KIF1A: variants seen among roughly 807,000 people sequenced by gnomAD.
KIF1A encodes the protein kinesin family member 1A, also known as kinesin-like protein KIF1A.
Under a neutral mutation model 227.3 loss-of-function variants are expected in KIF1A, and 46 were observed. That is an observed-to-expected ratio of 0.20 (90% CI 0.16 to 0.26). KIF1A has a LOEUF of 0.26. Ranked by LOEUF, KIF1A falls within the 10% of genes least tolerant of loss-of-function variation. The pLI is 1.00. For synonymous variants in KIF1A, 1,022 were observed against 1,012.8 expected (o/e 1.01, Z -0.17); for missense variants, 1,683 against 2,485.9 (o/e 0.68, Z 6.87).
chr2:240,768,844 C>T (rs1009407346), intron 17 of KIF1A, among the ~76,000 whole-genome samples: 3 of 152,206 alleles, frequency 2.0e-5, no homozygotes, highest in African/African-American at 7.2e-5. Context: ...TGGGTGTTGG[C>T]TCCTCAGCCT....
intron 34 of KIF1A, among the ~76,000 whole-genome samples, chr2:240,741,592 C>T (rs1161461312): frequency 6.6e-5 from 10 of 152,226 alleles, no homozygotes; most frequent in East Asian, 1.9e-4. Context: ...TGGACGCTCA[C>T]GTTCTCTGTG....
Position 240,765,776 on chromosome 2 carries a change from G to T in KIF1A, c.1702C>A (p.Pro568Thr). 1 of 1,613,356 alleles carries T rather than the reference G, an allele frequency of 6.2e-7. No homozygotes were observed. Among genetic ancestry groups the T allele is most frequent in the Non-Finnish European group, 8.5e-7 (1 of 1,179,624 alleles). The change falls in exon 20 of 49, where the codon CCC (proline) becomes ACC (threonine). Residue 568 changes from proline (P) to threonine (T), a missense_variant. Physicochemically the swap from Pro to Thr is conservative, Grantham distance 38. This residue lies in a region of KIF1A where 217 missense variants were observed against 427.0 expected (regional missense o/e 0.51). Transcript: ENST00000498729. Reference protein sequence around the residue: ...GGSEAVVTLEPCEGADTYVNG... With the variant: ...GGSEAVVTLETCEGADTYVNG... ...ACGTAGGTGTCTGCCCCCTCACAGG[G>T]CTCCAAGGTCACCACAGCTACAGGA...
intron 28 of KIF1A, 119 bp downstream of exon 28, chr2:240,750,310 T>C: frequency 1.4e-6 from 1 of 692,014 alleles, no homozygotes; most frequent in Non-Finnish European, 2.5e-6. Context: ...TGAGGCCAGC[T>C]TCCCACTAAC....
rs941155144 is a variant in KIF1A at position 240,792,925 on chromosome 2, T to C, written c.107-3613A>G. 1.3e-5 allele frequency among the ~76,000 whole-genome samples: 2 copies of C among 152,114 alleles called. No homozygotes were observed. Among genetic ancestry groups the C allele is most frequent in the Non-Finnish European group, 2.9e-5 (2 of 68,018 alleles). ...CCACGATCTAGACCTGTGGGCATCT[T>C]GATTGGACTTCCGCCTCCAGACTGC... On this transcript the variant is annotated intron_variant, in intron 2 of 48. Coordinates refer to ENST00000498729, the MANE Select transcript of KIF1A (RefSeq NM_001244008.2). The surrounding 1 kb of genome is among the most constrained non-coding windows in gnomAD (Gnocchi z 4.5).
At chr2:240,802,132 A>G (rs2057029856) in intron 1 of KIF1A, among the ~76,000 whole-genome samples, 1 of 151,406 alleles carries the variant, frequency 6.6e-6, no homozygotes, top group Non-Finnish European at 1.5e-5. Context: ...CCTTTAAAGG[A>G]GCAAAAATAA....
rs1385156500 is a variant in KIF1A at position 240,778,798 on chromosome 2, TCCC to T, written c.883-2875_883-2873del. 6.6e-6 allele frequency among the ~76,000 whole-genome samples: 1 copy of T among 151,384 alleles called. No homozygotes were observed. The highest frequency in any genetic ancestry group is 2.4e-5 in the African/African-American group (1 of 41,070). On this transcript the variant is annotated intron_variant, in intron 10 of 48. Transcript: ENST00000498729. This position sits in a 1 kb window ranked among gnomAD's most constrained non-coding sequence, Gnocchi z 7.2. ...CGTTCCACACACGGTTCCTCACCGC[TCCC>T]CACGTTTCCCAAACAGCTCCTCCCG...
intron 38 of KIF1A, chr2:240,728,242 A>T (rs2046249583): frequency 2.1e-6 from 1 of 465,306 alleles, no homozygotes; most frequent in Non-Finnish European, 4.2e-6. Flanking sequence ...TGTCGGACAC[A>T]TGTCACCGAG....
At chr2:240,745,625 G>T in intron 31 of KIF1A, 108 bp from the exon 32 acceptor site, 1 of 1,485,710 alleles carries the variant, frequency 6.7e-7, no homozygotes, top group East Asian at 2.4e-5. Flanking sequence ...GGGCCTGCGG[G>T]CTGGGCCAAC....
chr2:240,754,899 C>T (rs2049653777), intron 27 of KIF1A, among the ~76,000 whole-genome samples: 1 of 152,158 alleles, frequency 6.6e-6, no homozygotes, highest in African/African-American at 2.4e-5. Context: ...AGAGCTGACC[C>T]AGAGTGAAGC....
chr2:240,728,530 G>A (rs1259178044), intron 38 of KIF1A: 12 of 578,176 alleles, frequency 2.1e-5, no homozygotes, highest in Admixed American at 4.7e-5. Flanking sequence ...GGTGCACGCC[G>A]GATCTCACGG....
chr2:240,746,402 G>A (rs1430335913), intron 29 of KIF1A, among the ~76,000 whole-genome samples: 2 of 152,188 alleles, frequency 1.3e-5, no homozygotes, highest in Non-Finnish European at 2.9e-5. Flanking sequence ...TACAGCCTAT[G>A]GCCATGGGAG....
At chr2:240,771,141 C>T (rs555294022) in intron 14 of KIF1A, 37 bp from the exon 15 acceptor site, 18 of 1,612,920 alleles carry the variant, frequency 1.1e-5, no homozygotes, top group South Asian at 7.7e-5. Flanking sequence ...TTCACCGTCC[C>T]GCCACGGTTA....
intron 9 of KIF1A, 28 bp downstream of exon 9, chr2:240,783,016 G>A (rs1403954756): frequency 1.9e-6 from 3 of 1,585,508 alleles, no homozygotes; most frequent in Non-Finnish European, 2.6e-6. Flanking sequence ...TGGGGTTCTG[G>A]CTATGGAAGC....
At chr2:240,809,249 A>G (rs1464556404) in intron 1 of KIF1A, among the ~76,000 whole-genome samples, 3 of 152,254 alleles carry the variant, frequency 2.0e-5, no homozygotes, top group African/African-American at 7.2e-5. Flanking sequence ...TGTATATGGT[A>G]GAGTAAGATG....
chr2:240,819,691 C>T (rs1279919478), intron 1 of KIF1A, among the ~76,000 whole-genome samples: 5 of 152,216 alleles, frequency 3.3e-5, no homozygotes, highest in Middle Eastern at 3.4e-3. Context: ...CATCCCTCCC[C>T]TCCCCCGCCG....
intron 10 of KIF1A, chr2:240,782,222 G>A: frequency 3.0e-6 from 3 of 983,738 alleles, no homozygotes; most frequent in Non-Finnish European, 3.6e-6. Context: ...AGTCCAGCAC[G>A]CCTGTCACCC....
Position 240,763,348 on chromosome 2 carries a change from T to C in KIF1A, c.1769-2A>G. On this transcript the variant is annotated splice_acceptor_variant, in intron 20 of 48. Transcript: ENST00000498729. LOFTEE classifies it high-confidence loss of function. ...TCTTACCCATGATGATGCGGTTTCC[T>C]GGGGAACAGAGGGACAGGTGGCCTT... 1 of 1,569,850 alleles carries C rather than the reference T, an allele frequency of 6.4e-7. No homozygotes were observed.
Position 240,758,210 on chromosome 2 carries a change from T to G in KIF1A, c.2582+150A>C, listed in dbSNP as rs2050100719. On this transcript the variant is annotated intron_variant, in intron 26 of 48. Transcript: ENST00000498729. The surrounding 1 kb of genome is among the most constrained non-coding windows in gnomAD (Gnocchi z 5.2). ...TGGAGAGGAATGGCTGGGAGGAACC[T>G]CAGGCCAGGGAGGACAGGGCTGGGA... is the stretch of plus-strand genomic sequence containing the variant. The G allele has an allele frequency of 1.2e-6, 1 of 865,152 alleles. No individual in the cohort carries two copies. The highest frequency in any genetic ancestry group is 1.7e-5 in the African/African-American group (1 of 58,326). 53.6% of individuals were successfully genotyped at this position (865,152 alleles called of 1,614,324 possible).
At position 240,746,093 on chromosome 2, in the gene KIF1A, G is replaced by C; in HGVS notation, c.3148C>G (p.Gln1050Glu). ...EELRIVEGQG[Q>E]GADVGPSADE... ...GCTGAGGGCCCCACGTCTGCACCCTGGCCCTGGCCCTCCACGATGCGAAGC... is the reference window on the plus strand; with the variant it reads ...GCTGAGGGCCCCACGTCTGCACCCTCGCCCTGGCCCTCCACGATGCGAAGC... Residue 1050 changes from glutamine to glutamate, a missense_variant, in exon 30 of 49, where the codon CAG (glutamine) becomes GAG (glutamate). Physicochemically the swap from Gln to Glu is conservative, Grantham distance 29 (BLOSUM62 2). Coordinates refer to ENST00000498729, the MANE Select transcript of KIF1A (RefSeq NM_001244008.2). 6.3e-7 allele frequency: 1 copy of C among 1,592,266 alleles called. No individual in the cohort carries two copies. Among genetic ancestry groups the C allele is most frequent in the Non-Finnish European group, 8.5e-7 (1 of 1,169,952 alleles).
Sources: gnomAD v4.1 joint callset for allele counts (sites outside exome capture counted in the v4.1 genomes callset) on GRCh38, gnomAD v4.1.1 for gene constraint, gnomAD v4.1.1 regional missense constraint, Gnocchi (gnomAD v3.1) non-coding constraint, MANE v1.5 for transcripts, NCBI Gene and HGNC (gene_info 2026-07-23, HGNC 2026-07-21) for gene names.